BMPER: variants seen among roughly 807,000 people sequenced by gnomAD.
BMPER encodes BMP binding endothelial regulator.
A neutral mutation model predicts 87.3 loss-of-function variants in BMPER; 45 were observed. The observed-to-expected ratio is 0.52, with a 90% CI of 0.41 to 0.66. The LOEUF (loss-of-function observed/expected upper bound fraction) is 0.66. BMPER is among the 30% of genes least tolerant of loss of function. BMPER has a pLI of 0.00. For missense variants in BMPER, 784 were observed against 867.5 expected (o/e 0.90, Z 1.21); for synonymous variants, 326 against 316.2 (o/e 1.03, Z -0.33).
chr7:34,048,869 G>A (rs991332234), intron 7 of BMPER, among the ~76,000 whole-genome samples: 1 of 152,154 alleles, frequency 6.6e-6, no homozygotes, highest in African/African-American at 2.4e-5. Flanking sequence ...TCCCTCGAAT[G>A]TTTTATCTTA....
intron 6 of BMPER, among the ~76,000 whole-genome samples, chr7:33,997,174 T>A (rs528359761): frequency 2.0e-5 from 3 of 152,104 alleles, no homozygotes; most frequent in Non-Finnish European, 4.4e-5. Context: ...CCCACCAGAG[T>A]GATCTTTTCT....
At chr7:34,140,763 G>A (rs149194488) in intron 13 of BMPER, among the ~76,000 whole-genome samples, 2 of 152,302 alleles carry the variant, frequency 1.3e-5, no homozygotes, top group African/African-American at 2.4e-5. Flanking sequence ...CCCCTTACCC[G>A]AACAAATTAC....
chr7:33,952,939 C>G (rs1422679224), intron 3 of BMPER, among the ~76,000 whole-genome samples: 1 of 152,128 alleles, frequency 6.6e-6, no homozygotes, highest in Non-Finnish European at 1.5e-5. Flanking sequence ...ACTTGAGTGC[C>G]TCCTTCTCTC....
At chr7:33,972,487 TC>T (rs1785574482) in intron 5 of BMPER, among the ~76,000 whole-genome samples, 1 of 152,128 alleles carries the variant, frequency 6.6e-6, no homozygotes, top group Non-Finnish European at 1.5e-5. Context: ...AGGGCTGAAC[TC>T]CATGACTGCT....
At chr7:33,920,426 T>TG (rs1784196600) in intron 2 of BMPER, among the ~76,000 whole-genome samples, 1 of 137,240 alleles carries the variant, frequency 7.3e-6, no homozygotes, top group African/African-American at 2.8e-5. Flanking sequence ...TTGTGTTTTT[T>TG]TTTTTTTTTT....
intron 3 of BMPER, among the ~76,000 whole-genome samples, chr7:33,958,205 C>A (rs560116219): frequency 3.1e-4 from 47 of 152,312 alleles, no homozygotes; most frequent in African/African-American, 1.1e-3. Context: ...CGTCACCCAC[C>A]TTTCTTGCAT....
rs1790907302 is a variant in BMPER, at chr7:34,142,801, C to T, written c.1746-429C>T. Among the ~76,000 whole-genome samples the T allele has an allele frequency of 2.0e-5, 3 of 152,214 alleles. 1 individual carries two copies. The highest frequency in any genetic ancestry group is 2.0e-4 in the Admixed American group (3 of 15,276). ...CTATTAGTTTTATATCAGTGCTTGT[C>T]ACAAGATGGCGATGGTATTCCAGTA... On this transcript the variant is annotated intron_variant, in intron 13 of 14. Transcript: ENST00000649409.
chr7:34,062,052 G>A lies in BMPER; in HGVS notation c.1078+5G>A, dbSNP rs559550154. ...GCTGTCCTATTTGCACTGAAAGTAA[G>A]TTTATTCCTTTGAAAATGTGCTATT... On this transcript the variant is annotated splice_donor_5th_base_variant and intron_variant, in intron 11 of 14. Coordinates refer to ENST00000649409, the MANE Select transcript of BMPER (RefSeq NM_001365308.1). The A allele has an allele frequency of 8.7e-6, 14 of 1,609,766 alleles. No homozygotes were observed. The highest frequency in any genetic ancestry group is 1.2e-5 in the Non-Finnish European group (14 of 1,177,556).
rs750677491 is a variant in BMPER at position 34,153,136 on chromosome 7, G to A, written c.1921G>A (p.Gly641Arg). The A allele has an allele frequency of 1.2e-6, 2 of 1,613,842 alleles. No homozygotes were observed. Among genetic ancestry groups the A allele is most frequent in the Admixed American group, 1.7e-5 (1 of 59,980 alleles). The change falls in exon 15 of 15, where the codon GGA becomes AGA. Residue 641 changes from glycine (G) to arginine (R), a missense_variant. Transcript: ENST00000649409. ...HGAVYDTCGP[G>R]CIKTCDNWNE... ...TGCTGTGTACGATACCTGTGGTCCGGGATGTATCAAGACGTGTGACAACTG... is the reference window on the plus strand; with the variant it reads ...TGCTGTGTACGATACCTGTGGTCCGAGATGTATCAAGACGTGTGACAACTG...
At chr7:34,141,407 C>T (rs1169968222) in intron 13 of BMPER, among the ~76,000 whole-genome samples, 6 of 151,842 alleles carry the variant, frequency 4.0e-5, no homozygotes, top group African/African-American at 1.2e-4. Context: ...GTCAGGAGTT[C>T]GAGACCAGCC....
At chr7:33,987,268 C>T (rs1431565028) in intron 6 of BMPER, among the ~76,000 whole-genome samples, 1 of 152,064 alleles carries the variant, frequency 6.6e-6, no homozygotes, top group Non-Finnish European at 1.5e-5. Context: ...CTTCAATTAC[C>T]ACCATTCCCT....
intron 2 of BMPER, among the ~76,000 whole-genome samples, chr7:33,933,902 C>T (rs1437513716): frequency 6.6e-6 from 1 of 152,180 alleles, no homozygotes; most frequent in Admixed American, 6.5e-5. Flanking sequence ...ATTGATCCCT[C>T]CTCTGTAAGA....
At chr7:33,937,451 C>G (rs2128609329) in intron 3 of BMPER, 63 bp downstream of exon 3, 1 of 1,529,258 alleles carries the variant, frequency 6.5e-7, no homozygotes, top group Non-Finnish European at 9.0e-7. Flanking sequence ...ATTTCTCTTT[C>G]TCTCACCTTC....
At chr7:34,043,456 A>G (rs1055350205) in intron 6 of BMPER, among the ~76,000 whole-genome samples, 24 of 152,182 alleles carry the variant, frequency 1.6e-4, no homozygotes, top group African/African-American at 5.5e-4. Context: ...ATTCAGTCAT[A>G]TGGGCACATC....
intron 2 of BMPER, among the ~76,000 whole-genome samples, chr7:33,919,127 A>G (rs531428243): frequency 6.6e-6 from 1 of 152,258 alleles, no homozygotes; most frequent in African/African-American, 2.4e-5. Context: ...ACCAAGGGCA[A>G]AAAAAATTTT....
chr7:33,957,567 AACAC>A (rs970620503), intron 3 of BMPER, among the ~76,000 whole-genome samples: 1 of 152,108 alleles, frequency 6.6e-6, no homozygotes, highest in South Asian at 2.1e-4. Flanking sequence ...ACTGCACAGA[AACAC>A]ACACACACCC....
intron 14 of BMPER, among the ~76,000 whole-genome samples, chr7:34,148,656 T>A (rs1791091151): frequency 6.6e-6 from 1 of 152,190 alleles, no homozygotes; most frequent in African/African-American, 2.4e-5. Flanking sequence ...TACTTTTGAC[T>A]TGTAGACTGT....
intron 6 of BMPER, among the ~76,000 whole-genome samples, chr7:34,037,457 C>T (rs913243212): frequency 5.3e-5 from 8 of 152,092 alleles, no homozygotes; most frequent in Admixed American, 1.3e-4. Context: ...CCACCGAGAC[C>T]GGTTGAGGCA....
In BMPER at chr7:34,153,478, T is replaced by G. The variant is rs952555926; in HGVS notation, c.*205T>G. On this transcript the variant is annotated 3_prime_UTR_variant, in exon 15 of 15. Transcript: ENST00000649409. ...GGATTATTATATGTATATTTTTTGC[T>G]ATAAGACATGTATTGTTTCTAGGAT... The G allele has an allele frequency of 7.9e-5, 46 of 584,314 alleles. No homozygotes were observed. The African/African-American group carries it at 8.4e-4, about 11-fold the overall frequency. The allele number at this position is 584,314 out of a possible 1,614,324, so 36.2% of individuals were successfully genotyped here.
Sources: gnomAD v4.1 joint callset for allele counts (sites outside exome capture counted in the v4.1 genomes callset) on GRCh38, gnomAD v4.1.1 for gene constraint, MANE v1.5 for transcripts, NCBI Gene and HGNC (gene_info 2026-07-23, HGNC 2026-07-21) for gene names.